HLA-DQB2: variants seen among roughly 807,000 people sequenced by gnomAD.
HLA-DQB2 encodes the protein HLA class II histocompatibility antigen, DQ beta 2 chain.
A neutral mutation model predicts 29.2 loss-of-function variants in HLA-DQB2; 24 were observed. The observed-to-expected ratio is 0.82, with a 90% CI of 0.60 to 1.16. The LOEUF (loss-of-function observed/expected upper bound fraction) is 1.16, where lower values mean the gene tolerates loss of function less well. Ranked by LOEUF, HLA-DQB2 falls within the 50% of genes most tolerant of loss-of-function variation. The probability of loss-of-function intolerance (pLI) is 0.00; values close to 1 mark genes in which losing one functional copy is unlikely to be tolerated. For synonymous variants in HLA-DQB2, 104 were observed against 133.1 expected (o/e 0.78, Z 1.51); for missense variants, 273 against 343.6 (o/e 0.79, Z 1.62).
chr6:32,759,225 A>G (rs376789262), intron 2 of HLA-DQB2, 94 bp from the exon 3 acceptor site: 266,044 of 1,203,032 alleles, frequency 0.22, 6 homozygotes, highest in South Asian at 0.25. Context: ...TGGAACCAGA[A>G]TAGAAAGATA....
intron 2 of HLA-DQB2, among the ~76,000 whole-genome samples, chr6:32,760,761 T>C (rs896546671): frequency 2.6e-5 from 4 of 152,218 alleles, no homozygotes; most frequent in Admixed American, 2.0e-4. Flanking sequence ...AAAACTGCCT[T>C]ATAACACCAT....
chr6:32,756,433 C>T lies in HLA-DQB2; in HGVS notation c.*20G>A. 7.0e-7 allele frequency: 1 copy of T among 1,435,876 alleles called. No homozygotes were observed. Among genetic ancestry groups the T allele is most frequent in the Non-Finnish European group, 9.7e-7 (1 of 1,029,216 alleles). The allele number at this position is 1,435,876 out of a possible 1,614,324, so 88.9% of individuals were successfully genotyped here. On this transcript the variant is annotated 3_prime_UTR_variant, in exon 6 of 6. Transcript: ENST00000437316. ...ATTACAGAAGAGTGATGACCAATCC[C>T]AGACAAAAGTCCTCAGGAGTCAGTG...
rs754855896 is a variant in HLA-DQB2 at position 32,758,877 on chromosome 6, G to T, written c.619C>A (p.Leu207Ile). Residue 207 changes from leucine (L) to isoleucine (I), a missense_variant, in exon 3 of 6, where the codon CTC (leucine) becomes ATC (isoleucine). Physicochemically the swap from Leu to Ile is conservative, Grantham distance 5. Transcript: ENST00000437316. The part of the protein sequence containing the change: ...IYTCQVEHPS[L>I]QSPITVEWRA... ...CACTCCACGGTGATGGGGCTCTGGAGGCTGGGGTGCTCCACTTGGCAGGTG... is the reference window on the plus strand; with the variant it reads ...CACTCCACGGTGATGGGGCTCTGGATGCTGGGGTGCTCCACTTGGCAGGTG... The T allele has an allele frequency of 1.5e-5, 24 of 1,613,898 alleles. No individual in the cohort carries two copies. Among genetic ancestry groups the T allele is most frequent in the Non-Finnish European group, 1.9e-5 (23 of 1,179,980 alleles).
intron 3 of HLA-DQB2, among the ~76,000 whole-genome samples, chr6:32,758,511 C>A (rs1408776806): frequency 6.6e-6 from 1 of 152,218 alleles, no homozygotes; most frequent in African/African-American, 2.4e-5. Flanking sequence ...AACCTCTTCT[C>A]TTTATAAATT....
intron 5 of HLA-DQB2, chr6:32,756,681 AGTTACCCTTCTGG>A: frequency 7.6e-7 from 1 of 1,322,442 alleles, no homozygotes; most frequent in Non-Finnish European, 9.6e-7. Context: ...GGGGAACAGC[AGTTACCCTTCTGG>A]GTAATATGAA....
Position 32,761,810 on chromosome 6 carries a change from C to G in HLA-DQB2, c.214G>C (p.Val72Leu). Residue 72 changes from valine (V) to leucine (L), a missense_variant, in exon 2 of 6, where the codon GTT (valine) becomes CTT (leucine). By Grantham distance (32) the Val-to-Leu change is conservative (BLOSUM62 1). Transcript: ENST00000437316. ...TCGGTCACCGCCTGGAACTCCCCAA[C>G]GTCGCTGTCGAAGCGCCCGTACTCC... The part of the protein sequence containing the change: ...REEYGRFDSD[V>L]GEFQAVTELG... 1 of 1,600,010 alleles carries G rather than the reference C, an allele frequency of 6.2e-7. No homozygotes were observed. The highest frequency in any genetic ancestry group is 1.1e-5 in the South Asian group (1 of 88,826).
rs1764537689 is a variant in HLA-DQB2, at chr6:32,759,063, A to G, written c.433T>C (p.Ser145Pro). The change falls in exon 3 of 6, where the codon TCG becomes CCG. Residue 145 changes from serine (S) to proline (P), a missense_variant. Physicochemically the swap from Ser to Pro is moderately conservative, Grantham distance 74. Coordinates refer to ENST00000437316, the MANE Select transcript of HLA-DQB2 (RefSeq NM_001300790.2). Reference sequence around the variant, plus strand: ...TGGGCTGGATAGAAATCTGTCACCGAGCAGACCAGCAGGTTGTGGTGGTTG... The same window carrying G: ...TGGGCTGGATAGAAATCTGTCACCGGGCAGACCAGCAGGTTGTGGTGGTTG... ...ALNHHNLLVC[S>P]VTDFYPAQIK... The G allele has an allele frequency of 6.2e-7, 1 of 1,613,932 alleles. No individual in the cohort carries two copies. The highest frequency in any genetic ancestry group is 8.5e-7 in the Non-Finnish European group (1 of 1,179,950).
intron 5 of HLA-DQB2, 80 bp from the exon 6 acceptor site, chr6:32,756,546 G>A: frequency 1.3e-6 from 2 of 1,541,968 alleles, no homozygotes; most frequent in Non-Finnish European, 1.8e-6. Context: ...AGTTCCCTCT[G>A]TAGCATCAAA....
rs1765022215 is a variant in HLA-DQB2, at chr6:32,763,409, A to C, written c.62T>G (p.Leu21Arg). 2.6e-6 allele frequency: 4 copies of C among 1,565,362 alleles called. No individual in the cohort carries two copies. The highest frequency in any genetic ancestry group is 3.5e-6 in the Non-Finnish European group (4 of 1,154,422). The change falls in exon 1 of 6, where the codon CTG becomes CGG. Residue 21 changes from leucine to arginine, a missense_variant. By Grantham distance (102) the Leu-to-Arg change is moderately radical. Coordinates refer to ENST00000437316, the MANE Select transcript of HLA-DQB2 (RefSeq NM_001300790.2). ...AAAVTVMLVMLSTPVAEARDF... is the reference protein window; with the variant it reads ...AAAVTVMLVMRSTPVAEARDF... ...TCTGGCCTCAGCCACTGGGGTGCTC[A>C]GCATCACCAGCATCACGGTCACAGC...
At chr6:32,759,319 C>T (rs1484373934) in intron 2 of HLA-DQB2, among the ~76,000 whole-genome samples, 188 bp from the exon 3 acceptor site, 1 of 151,496 alleles carries the variant, frequency 6.6e-6, no homozygotes, top group Non-Finnish European at 1.5e-5. Context: ...AACAACAAAC[C>T]CTGGTTCCTG....
intron 2 of HLA-DQB2, 105 bp downstream of exon 2, chr6:32,761,555 G>T: frequency 7.9e-7 from 1 of 1,269,434 alleles, no homozygotes; most frequent in South Asian, 1.5e-5. Context: ...ACCCTGGGAT[G>T]GATCAGGGCT....
chr6:32,756,974 C>G, intron 5 of HLA-DQB2: 1 of 1,243,184 alleles, frequency 8.0e-7, no homozygotes, highest in Non-Finnish European at 1.0e-6. Context: ...TAGCAGCAAA[C>G]AGGCCATGAA....
At position 32,761,688 on chromosome 6, in the gene HLA-DQB2, C is replaced by G; in HGVS notation, c.336G>C (p.Ala112=). The change falls in exon 2 of 6, where the codon GCG becomes GCC. Residue 112 remains alanine (A), a synonymous_variant. Transcript: ENST00000437316. ...GCCGCTGCAAGGTCGTGCGCAGCTC[C>G]GCCTCGTAGTTGTGTCTGCACACCT... ...VDKVCRHNYE[A]ELRTTLQRQV... is the part of the protein sequence containing the mutation. 6.4e-7 allele frequency: 1 copy of G among 1,551,226 alleles called. No homozygotes were observed. Among genetic ancestry groups the G allele is most frequent in the Non-Finnish European group, 8.7e-7 (1 of 1,147,552 alleles).
chr6:32,761,053 T>G (rs1442857906), intron 2 of HLA-DQB2, among the ~76,000 whole-genome samples: 1 of 152,158 alleles, frequency 6.6e-6, no homozygotes, highest in Non-Finnish European at 1.5e-5. Flanking sequence ...TAAAACACTC[T>G]CACCTCAAAG....
At chr6:32,757,663 C>CTT in intron 4 of HLA-DQB2, 110 bp downstream of exon 4, 1 of 924,874 alleles carries the variant, frequency 1.1e-6, no homozygotes, top group Non-Finnish European at 1.7e-6. Flanking sequence ...TGTCTCCTCG[C>CTT]ACTTCCTCTC....
At chr6:32,763,194 C>T (rs1582411510) in intron 1 of HLA-DQB2, among the ~76,000 whole-genome samples, 180 bp downstream of exon 1, 2 of 152,146 alleles carry the variant, frequency 1.3e-5, no homozygotes, top group South Asian at 4.1e-4. Context: ...TTGGATTATC[C>T]TCACCTCACC....
At chr6:32,756,516 C>T (rs748696059) in intron 5 of HLA-DQB2, 50 bp from the exon 6 acceptor site, 5 of 1,556,860 alleles carry the variant, frequency 3.2e-6, no homozygotes, top group Non-Finnish European at 2.6e-6. Flanking sequence ...CTGAGGGACA[C>T]ACCCTCTCCC....
At chr6:32,761,230 C>A (rs534468578) in intron 2 of HLA-DQB2, among the ~76,000 whole-genome samples, 3 of 144,808 alleles carry the variant, frequency 2.1e-5, no homozygotes, top group East Asian at 4.7e-4. Context: ...CTTCCTGCGG[C>A]GCGAGCTGTG....
At position 32,759,136 on chromosome 6, in the gene HLA-DQB2, G is replaced by C. The variant is rs745328737; in HGVS notation, c.365-5C>G. 1 of 1,612,728 alleles carries C rather than the reference G, an allele frequency of 6.2e-7. No individual in the cohort carries two copies. The highest frequency in any genetic ancestry group is 2.2e-5 in the East Asian group (1 of 44,890). On this transcript the variant is annotated splice_region_variant and splice_polypyrimidine_tract_variant and intron_variant, in intron 2 of 5. Transcript: ENST00000437316. ...AGATGGTCACTGTGGGCTCCACTGA[G>C]GGCAGTAACAGACAGGGAAAGATAT...
Sources: allele counts gnomAD v4.1 joint callset (sites outside exome capture counted in the v4.1 genomes callset), GRCh38; gene constraint gnomAD v4.1.1; transcripts MANE v1.5; gene names NCBI Gene and HGNC (gene_info 2026-07-23, HGNC 2026-07-21).